PARP2: variants seen among roughly 807,000 people sequenced by gnomAD.
PARP2 encodes poly [ADP-ribose] polymerase 2.
A neutral mutation model predicts 77.8 loss-of-function variants in PARP2; 57 were observed. The observed-to-expected ratio is 0.73, with a 90% CI of 0.59 to 0.91. The LOEUF (loss-of-function observed/expected upper bound fraction) is 0.91, where lower values mean the gene tolerates loss of function less well. Among genes scored for constraint, PARP2 ranks in the 40% least tolerant of loss-of-function variants. PARP2 has a pLI of 0.00. For missense variants in PARP2, 651 were observed against 689.0 expected (o/e 0.94, Z 0.62); for synonymous variants, 226 against 242.6 (o/e 0.93, Z 0.64).
At position 20,350,536 on chromosome 14, in the gene PARP2, A is replaced by T. The variant is rs750242561; in HGVS notation, c.335A>T (p.Gln112Leu). 34 of 1,598,072 alleles carry T rather than the reference A, an allele frequency of 2.1e-5. No homozygotes were observed. Among genetic ancestry groups the T allele is most frequent in the Non-Finnish European group, 1.1e-5 (13 of 1,165,958 alleles). ...YDVMLNQTNL[Q>L]FNNNKYYLIQ... Reference sequence around the variant, plus strand: ...TTTCACTCAACATAGACCAATCTCCAGTTCAACAACAACAAGTACTATCTG... The same window carrying T: ...TTTCACTCAACATAGACCAATCTCCTGTTCAACAACAACAAGTACTATCTG... The change falls in exon 5 of 16, where the codon CAG (glutamine) becomes CTG (leucine). Residue 112 changes from glutamine (Q) to leucine (L), a missense_variant. Transcript: ENST00000429687.
chr14:20,346,743 G>A (rs988459461), intron 3 of PARP2, 120 bp from the exon 4 acceptor site: 19 of 691,576 alleles, frequency 2.7e-5, no homozygotes, highest in Middle Eastern at 2.4e-4. Context: ...TTCCTTGGGA[G>A]ATGAATGTTG....
chr14:20,351,015 G>C (rs1368786911), intron 5 of PARP2, 32 bp from the exon 6 acceptor site: 7 of 1,567,660 alleles, frequency 4.5e-6, no homozygotes, highest in Non-Finnish European at 6.1e-6. Context: ...TACTCTTAGG[G>C]AACTATCTTA....
intron 6 of PARP2, among the ~76,000 whole-genome samples, chr14:20,351,399 G>A (rs1012585884): frequency 6.6e-5 from 10 of 151,932 alleles, no homozygotes; most frequent in South Asian, 2.1e-4. Context: ...GGCTGGTCTC[G>A]AACCCCTGAC....
At chr14:20,357,301 T>G in intron 14 of PARP2, 95 bp from the exon 15 acceptor site, 3 of 1,413,402 alleles carry the variant, frequency 2.1e-6, no homozygotes, top group Non-Finnish European at 2.9e-6. Flanking sequence ...TCTGCTGGAG[T>G]AGGGGAAAAA....
chr14:20,355,925 A>C lies in PARP2; in HGVS notation c.995A>C (p.Lys332Thr). The C allele has an allele frequency of 6.2e-7, 1 of 1,614,198 alleles. No individual in the cohort carries two copies. Among genetic ancestry groups the C allele is most frequent in the South Asian group, 1.1e-5 (1 of 91,084 alleles). Residue 332 changes from lysine to threonine, a missense_variant, in exon 11 of 16, where the codon AAG becomes ACG. Transcript: ENST00000429687. ...EALGDIEIAI[K>T]LVKTELQSPE... ...TTGGGAGACATTGAAATTGCTATTAAGCTGGTGAAAACAGAGCTACAAAGC... is the reference window on the plus strand; with the variant it reads ...TTGGGAGACATTGAAATTGCTATTACGCTGGTGAAAACAGAGCTACAAAGC...
chr14:20,348,735 GT>G (rs1295567756), intron 4 of PARP2, among the ~76,000 whole-genome samples: 3 of 152,028 alleles, frequency 2.0e-5, no homozygotes, highest in Non-Finnish European at 4.4e-5. Flanking sequence ...ATACCTTAAG[GT>G]TAGCCAGGTG....
intron 6 of PARP2, 60 bp downstream of exon 6, chr14:20,351,182 C>A: frequency 7.1e-7 from 1 of 1,400,382 alleles, no homozygotes; most frequent in South Asian, 1.2e-5. Context: ...TGTATATTCT[C>A]TAAAAAATTT....
chr14:20,353,249 TG>T lies in PARP2; in HGVS notation c.601-835del, dbSNP rs1485476660. ...ATTGTTTTTTTCGTTTTTTTGTTTT[TG>T]TTTTTTTTTGATACGGAGTCTCGCT... On this transcript the variant is annotated intron_variant, in intron 7 of 15. Coordinates refer to ENST00000429687, the MANE Select transcript of PARP2 (RefSeq NM_001042618.2). Among the ~76,000 whole-genome samples, 4 of 151,928 alleles carry T rather than the reference TG, an allele frequency of 2.6e-5. No homozygotes were observed. The South Asian group carries it at 8.3e-4, about 32-fold the overall frequency.
chr14:20,350,619 C>T lies in PARP2; in HGVS notation c.418C>T (p.Arg140Ter), dbSNP rs1404341744. The T allele has an allele frequency of 2.0e-5, 32 of 1,585,788 alleles. No homozygotes were observed. Among genetic ancestry groups the T allele is most frequent in the South Asian group, 3.3e-5 (3 of 90,414 alleles). Residue 140 changes from arginine (R) to a stop codon, truncating the protein, a stop_gained, in exon 5 of 16, where the codon CGA (arginine) becomes TGA (stop). Transcript: ENST00000429687. LOFTEE classifies it high-confidence loss of function. ...CTTCAGTGTTTGGATGAGATGGGGC[C>T]GAGGTAATGATTTTTATTGAGATTT... ...RNFSVWMRWG[R>*]VGKMGQHSLV...
chr14:20,347,421 T>G, intron 4 of PARP2, among the ~76,000 whole-genome samples: 1 of 67,004 alleles, frequency 1.5e-5, no homozygotes, highest in South Asian at 5.7e-4. Context: ...TTTTTTTTTT[T>G]TTTTTTTTTT....
At chr14:20,347,378 A>T (rs1264721009) in intron 4 of PARP2, among the ~76,000 whole-genome samples, 1 of 14,244 alleles carries the variant, frequency 7.0e-5, no homozygotes, top group Non-Finnish European at 1.3e-4. Flanking sequence ...ATATATATAT[A>T]TATATATATA....
At position 20,356,003 on chromosome 14, in the gene PARP2, C is replaced by G. The variant is rs201167331; in HGVS notation, c.1073C>G (p.Pro358Arg). 1.2e-6 allele frequency: 2 copies of G among 1,613,974 alleles called. No individual in the cohort carries two copies. The highest frequency in any genetic ancestry group is 1.7e-6 in the Non-Finnish European group (2 of 1,179,928). ...AGAAACCTACATTGTGCCTTGCGCC[C>G]CCTTGACCATGAAAGTTATGAGTTC... ...HYRNLHCALRPLDHESYEFKV... is the reference protein window; with the variant it reads ...HYRNLHCALRRLDHESYEFKV... The change falls in exon 11 of 16, where the codon CCC (proline) becomes CGC (arginine). Residue 358 changes from proline (P) to arginine (R), a missense_variant. Coordinates refer to ENST00000429687, the MANE Select transcript of PARP2 (RefSeq NM_001042618.2).
At chr14:20,347,398 A>ATTTT (rs58569972) in intron 4 of PARP2, among the ~76,000 whole-genome samples, 6 of 6,874 alleles carry the variant, frequency 8.7e-4, no homozygotes, top group Non-Finnish European at 1.2e-3. Flanking sequence ...ATATATATAT[A>ATTTT]TTTTTTTTTT....
intron 4 of PARP2, 55 bp downstream of exon 4, chr14:20,346,968 A>G: frequency 9.4e-7 from 1 of 1,066,328 alleles, no homozygotes; most frequent in Non-Finnish European, 1.5e-6. Context: ...CTTCTTGATA[A>G]TTATTGATGA....
intron 5 of PARP2, 64 bp from the exon 6 acceptor site, chr14:20,350,983 A>G: frequency 2.5e-6 from 3 of 1,224,130 alleles, no homozygotes; most frequent in Non-Finnish European, 3.6e-6. Flanking sequence ...TTAAGCAGAG[A>G]GATCTTGGAG....
chr14:20,347,339 C>A (rs1883764607), intron 4 of PARP2, among the ~76,000 whole-genome samples: 1 of 91,938 alleles, frequency 1.1e-5, no homozygotes, highest in Non-Finnish European at 2.0e-5. Flanking sequence ...TGCCTAAAGT[C>A]CTTCATATGT....
intron 12 of PARP2, 74 bp from the exon 13 acceptor site, chr14:20,356,513 GGAA>G: frequency 6.2e-7 from 1 of 1,604,068 alleles, no homozygotes; most frequent in East Asian, 2.2e-5. Flanking sequence ...GGGAGTCAGA[GGAA>G]GGTGTTGGCT....
intron 4 of PARP2, among the ~76,000 whole-genome samples, chr14:20,347,386 ATATATATATATATT>A (rs1883793498): frequency 6.6e-5 from 1 of 15,264 alleles, no homozygotes; most frequent in African/African-American, 2.5e-4. Context: ...ATATATATAT[ATATATATATATATT>A]TTTTTTTTTT....
chr14:20,357,892 C>A lies in PARP2; in HGVS notation c.*95C>A. The A allele has an allele frequency of 9.1e-7, 1 of 1,101,152 alleles. No individual in the cohort carries two copies. Among genetic ancestry groups the A allele is most frequent in the Non-Finnish European group, 1.3e-6 (1 of 749,808 alleles). The allele number at this position is 1,101,152 out of a possible 1,614,324, so 68.2% of individuals were successfully genotyped here. A position where few individuals can be genotyped will look rare whatever the true frequency, so the allele number is the denominator to read the frequency against. ...TTTGTGATATTTTATGTAATAAAAA[C>A]TGTACAGGTCTACCACTGGCTTCTT... On this transcript the variant is annotated 3_prime_UTR_variant, in exon 16 of 16. Coordinates refer to ENST00000429687, the MANE Select transcript of PARP2 (RefSeq NM_001042618.2).
Sources: allele counts gnomAD v4.1 joint callset (sites outside exome capture counted in the v4.1 genomes callset), GRCh38; gene constraint gnomAD v4.1.1; transcripts MANE v1.5; gene names NCBI Gene and HGNC (gene_info 2026-07-23, HGNC 2026-07-21).